SYT16: variants seen among roughly 807,000 people sequenced by gnomAD.
The protein encoded by SYT16 is synaptotagmin-16.
A neutral mutation model predicts 61.4 loss-of-function variants in SYT16; 42 were observed. The observed-to-expected ratio is 0.68, with a 90% CI of 0.53 to 0.89. The LOEUF (loss-of-function observed/expected upper bound fraction) is 0.89, where lower values mean the gene tolerates loss of function less well. Among genes scored for constraint, SYT16 ranks in the 40% least tolerant of loss-of-function variants. The pLI is 0.00. For missense variants in SYT16, 804 were observed against 807.3 expected (o/e 1.00, Z 0.05); for synonymous variants, 314 against 302.3 (o/e 1.04, Z -0.40).
chr14:62,038,447 C>T (rs1044647085), intron 3 of SYT16, among the ~76,000 whole-genome samples: 9 of 151,882 alleles, frequency 5.9e-5, no homozygotes. Context: ...CAGAGTGGAG[C>T]TATGACAAAC....
intron 2 of SYT16, among the ~76,000 whole-genome samples, chr14:61,975,640 C>G (rs1342204165): frequency 5.3e-5 from 8 of 152,132 alleles, no homozygotes. Flanking sequence ...GAGAAACCAT[C>G]CCCATGGTTC....
intron 1 of SYT16, among the ~76,000 whole-genome samples, chr14:61,949,721 C>A (rs1469604075): frequency 2.0e-5 from 3 of 152,132 alleles, no homozygotes; most frequent in African/African-American, 7.2e-5. Context: ...TTAAAGTCAT[C>A]CTATATCATT....
At chr14:62,094,862 AT>A (rs1426875177) in intron 7 of SYT16, among the ~76,000 whole-genome samples, 1 of 151,874 alleles carries the variant, frequency 6.6e-6, no homozygotes, top group African/African-American at 2.4e-5. Flanking sequence ...TTTTATAGGG[AT>A]CTTTGATCAA....
rs144172148 is a variant in SYT16 at position 61,995,609 on chromosome 14, G to A, written c.-144-267G>A. On this transcript the variant is annotated intron_variant, in intron 2 of 7. Transcript: ENST00000683842. ...CATTTATCCTTTTCACACTGTTAAG[G>A]ATGGTCTATGGGGATAGACTTCTCT... Among the ~76,000 whole-genome samples the A allele has an allele frequency of 4.3e-4, 66 of 152,150 alleles. No individual in the cohort carries two copies. The East Asian group carries it at 0.012, about 27-fold the overall frequency.
At chr14:61,981,124 C>G (rs1201232828) in intron 2 of SYT16, among the ~76,000 whole-genome samples, 1 of 152,170 alleles carries the variant, frequency 6.6e-6, no homozygotes, top group East Asian at 1.9e-4. Context: ...TGCACAATTC[C>G]TTCTTGTTTG....
chr14:62,039,877 A>ACACG (rs1267854300), intron 3 of SYT16, among the ~76,000 whole-genome samples: 2 of 74,942 alleles, frequency 2.7e-5, no homozygotes, highest in Admixed American at 1.3e-4. Context: ...ACACACACAC[A>ACACG]CGCACATACA....
At chr14:61,868,781 T>C (rs988938228) in intron 1 of SYT16, among the ~76,000 whole-genome samples, 1 of 152,084 alleles carries the variant, frequency 6.6e-6, no homozygotes, top group Non-Finnish European at 1.5e-5. Flanking sequence ...TTGGTTGTTC[T>C]ATAAATGCTG....
chr14:62,000,099 ATTTTTTTTTTTTTT>A, intron 3 of SYT16, among the ~76,000 whole-genome samples: 1,560 of 19,018 alleles, frequency 0.082, 64 homozygotes, highest in Middle Eastern at 0.14. Context: ...TTGTCTCTCG[ATTTTTTTTTTTTTT>A]TTTTTTTTTT....
chr14:61,822,375 A>C (rs1193928651), intron 1 of SYT16, among the ~76,000 whole-genome samples: 1 of 152,106 alleles, frequency 6.6e-6, no homozygotes, highest in Non-Finnish European at 1.5e-5. Flanking sequence ...ATCCATATTG[A>C]GGGTTGGTCT....
chr14:61,884,183 C>G (rs1296066742), intron 1 of SYT16, among the ~76,000 whole-genome samples: 1 of 152,144 alleles, frequency 6.6e-6, no homozygotes, highest in Non-Finnish European at 1.5e-5. Context: ...ATTGAAATCT[C>G]AGGACTATTT....
intron 1 of SYT16, chr14:61,865,163 C>A: frequency 8.1e-7 from 1 of 1,227,536 alleles, no homozygotes; most frequent in Non-Finnish European, 1.2e-6. Context: ...CCTGCAGTTA[C>A]TGGGCCCAGA....
intron 3 of SYT16, among the ~76,000 whole-genome samples, chr14:62,006,910 G>C (rs777319428): frequency 1.1e-4 from 16 of 152,066 alleles, no homozygotes; most frequent in African/African-American, 3.9e-4. Flanking sequence ...TGTGTTCCAA[G>C]CACATTGGCA....
At position 62,105,045 on chromosome 14, in the gene SYT16, G is replaced by A. The variant is rs1171765176; in HGVS notation, c.*4338G>A. 6.6e-6 allele frequency: 1 copy of A among 152,200 alleles called. No homozygotes were observed. The highest frequency in any genetic ancestry group is 1.9e-4 in the East Asian group (1 of 5,198). 9.4% of individuals were successfully genotyped at this position (152,200 alleles called of 1,614,324 possible). ...ACTGTAACAAGGATAGGCTCATGAA[G>A]CCAGGCTGGATTCGTAAATAAAGGA... On this transcript the variant is annotated 3_prime_UTR_variant, in exon 8 of 8. Transcript: ENST00000683842.
chr14:61,868,090 T>C (rs1000733250), intron 1 of SYT16, among the ~76,000 whole-genome samples: 3 of 151,952 alleles, frequency 2.0e-5, no homozygotes, highest in African/African-American at 4.8e-5. Context: ...TATATTCTTG[T>C]TCATGAAAAA....
chr14:62,000,092 T>C lies in SYT16; in HGVS notation c.523+3550T>C, dbSNP rs1314992432. Among the ~76,000 whole-genome samples, 3 of 145,064 alleles carry C rather than the reference T, an allele frequency of 2.1e-5. No homozygotes were observed. In the Admixed American group the frequency reaches 2.1e-4, roughly 10 times the overall value. On this transcript the variant is annotated intron_variant, in intron 3 of 7. Coordinates refer to ENST00000683842, the MANE Select transcript of SYT16 (RefSeq NM_001367656.1). Reference sequence around the variant, plus strand: ...TTCTGATTTTCTAATACTTATTTTGTCTCTCGATTTTTTTTTTTTTTTTTT... The same window carrying C: ...TTCTGATTTTCTAATACTTATTTTGCCTCTCGATTTTTTTTTTTTTTTTTT...
rs1222283942 is a variant in SYT16 at position 61,899,032 on chromosome 14, G to A, written c.-324-71100G>A. ...TTCTTGTACACTGGAATTTATGGTTGTAAAATTTGTCCAGATGCAGTTACA... is the reference window on the plus strand; with the variant it reads ...TTCTTGTACACTGGAATTTATGGTTATAAAATTTGTCCAGATGCAGTTACA... On this transcript the variant is annotated intron_variant, in intron 1 of 7. Transcript: ENST00000683842. Among the ~76,000 whole-genome samples the A allele has an allele frequency of 2.6e-5, 4 of 152,230 alleles. No individual in the cohort carries two copies. The East Asian group carries it at 7.7e-4, about 29-fold the overall frequency.
rs975606853 is a variant in SYT16 at position 61,976,734 on chromosome 14, C to T, written c.-145+6423C>T. ...CATTTTGTCCTCCTAGGACTCTGAGCCTGTGATGGGAAGGGCTGCCATGAG... is the reference window on the plus strand; with the variant it reads ...CATTTTGTCCTCCTAGGACTCTGAGTCTGTGATGGGAAGGGCTGCCATGAG... On this transcript the variant is annotated intron_variant, in intron 2 of 7. Coordinates refer to ENST00000683842, the MANE Select transcript of SYT16 (RefSeq NM_001367656.1). Among the ~76,000 whole-genome samples, 5 of 152,122 alleles carry T rather than the reference C, an allele frequency of 3.3e-5. No individual in the cohort carries two copies. In the South Asian group the frequency reaches 8.3e-4, roughly 25 times the overall value.
At chr14:61,864,710 G>GTGGC (rs2047082131) in intron 1 of SYT16, among the ~76,000 whole-genome samples, 1 of 152,256 alleles carries the variant, frequency 6.6e-6, no homozygotes, top group Non-Finnish European at 1.5e-5. Flanking sequence ...ATATGATGTG[G>GTGGC]TGGCGACTGC....
chr14:61,864,294 G>A (rs1007098976), intron 1 of SYT16, among the ~76,000 whole-genome samples: 1 of 152,252 alleles, frequency 6.6e-6, no homozygotes, highest in Non-Finnish European at 1.5e-5. Flanking sequence ...GCTGGCAGCG[G>A]CCCTTTTGGC....
Sources: allele counts gnomAD v4.1 joint callset (sites outside exome capture counted in the v4.1 genomes callset), GRCh38; gene constraint gnomAD v4.1.1; transcripts MANE v1.5; gene names NCBI Gene and HGNC (gene_info 2026-07-23, HGNC 2026-07-21).